The following TMEM117 variants were observed in gnomAD, a reference collection of about 807,000 sequenced individuals.
TMEM117 encodes transmembrane protein 117.
A neutral mutation model predicts 52.4 loss-of-function variants in TMEM117; 27 were observed. That is an observed-to-expected ratio of 0.51 (90% CI 0.38 to 0.71). The LOEUF (loss-of-function observed/expected upper bound fraction) is 0.71. Among genes scored for constraint, TMEM117 ranks in the 30% least tolerant of loss-of-function variants. The pLI, the probability that TMEM117 is intolerant of heterozygous loss-of-function variation, is 0.00. For synonymous variants in TMEM117, 215 were observed against 206.3 expected (o/e 1.04, Z -0.36); for missense variants, 556 against 630.5 (o/e 0.88, Z 1.26).
chr12:44,140,425 T>C (rs1948554948), intron 3 of TMEM117, among the ~76,000 whole-genome samples: 2 of 152,138 alleles, frequency 1.3e-5, no homozygotes, highest in African/African-American at 2.4e-5. Flanking sequence ...AATCATAATT[T>C]AAACAAATAT....
intron 4 of TMEM117, among the ~76,000 whole-genome samples, chr12:44,151,324 C>T (rs1250565552): frequency 8.0e-5 from 12 of 149,954 alleles, no homozygotes; most frequent in South Asian, 2.1e-4. Flanking sequence ...CGTAAAGTTC[C>T]GCACCTTTTT....
chr12:44,136,723 AATT>A, intron 3 of TMEM117, among the ~76,000 whole-genome samples: 1 of 152,162 alleles, frequency 6.6e-6, no homozygotes, highest in Non-Finnish European at 1.5e-5. Context: ...TTACTTTTTA[AATT>A]ATTCAACTGA....
At chr12:44,282,161 C>A (rs1334289020) in intron 5 of TMEM117, among the ~76,000 whole-genome samples, 1 of 152,154 alleles carries the variant, frequency 6.6e-6, no homozygotes, top group Non-Finnish European at 1.5e-5. Flanking sequence ...CACCATGATT[C>A]TGAGGCCTCC....
chr12:43,979,604 T>C (rs1205375151), intron 3 of TMEM117, among the ~76,000 whole-genome samples: 2 of 152,168 alleles, frequency 1.3e-5, no homozygotes, highest in Non-Finnish European at 2.9e-5. Context: ...AGGCCAATCT[T>C]GAGGAATCGC....
At chr12:44,105,609 A>G (rs1486704340) in intron 3 of TMEM117, among the ~76,000 whole-genome samples, 5 of 152,090 alleles carry the variant, frequency 3.3e-5, no homozygotes, top group Non-Finnish European at 5.9e-5. Flanking sequence ...GAAATGTTCT[A>G]TAGCCCTATG....
At chr12:44,005,817 G>T (rs924550895) in intron 3 of TMEM117, among the ~76,000 whole-genome samples, 1 of 152,088 alleles carries the variant, frequency 6.6e-6, no homozygotes, top group African/African-American at 2.4e-5. Context: ...TGCTATTCTT[G>T]TGATAGTGAA....
At chr12:44,236,758 G>A (rs1303616934) in intron 5 of TMEM117, among the ~76,000 whole-genome samples, 1 of 151,912 alleles carries the variant, frequency 6.6e-6, no homozygotes, top group Non-Finnish European at 1.5e-5. Context: ...GTAGGTTTTT[G>A]TTTCTTTTGC....
At chr12:44,221,097 T>C (rs1949782126) in intron 5 of TMEM117, among the ~76,000 whole-genome samples, 1 of 152,112 alleles carries the variant, frequency 6.6e-6, no homozygotes, top group African/African-American at 2.4e-5. Context: ...AGTAGAGAAA[T>C]CTGACAAACA....
chr12:43,800,486 C>T, the TMEM117 span: 1 of 1,613,826 alleles, frequency 6.2e-7, no homozygotes, highest in Non-Finnish European at 8.5e-7. Context: ...CAAATTCCTT[C>T]TTCAGAGTTG....
chr12:43,895,102 C>G (rs1298633863), intron 2 of TMEM117, among the ~76,000 whole-genome samples: 2 of 152,118 alleles, frequency 1.3e-5, no homozygotes, highest in African/African-American at 4.8e-5. Flanking sequence ...CATTATTAAG[C>G]CTAGTATCCA....
intron 4 of TMEM117, among the ~76,000 whole-genome samples, chr12:44,198,514 T>A (rs902969191): frequency 1.3e-5 from 2 of 152,128 alleles, no homozygotes; most frequent in Non-Finnish European, 2.9e-5. Flanking sequence ...GTTGGGTTTA[T>A]TACTGTTGTT....
intron 4 of TMEM117, among the ~76,000 whole-genome samples, chr12:44,203,002 C>T (rs1436406083): frequency 6.6e-6 from 1 of 151,980 alleles, no homozygotes; most frequent in Non-Finnish European, 1.5e-5. Context: ...GGTATGTTGG[C>T]TACGCTTGTC....
intron 4 of TMEM117, among the ~76,000 whole-genome samples, chr12:44,207,748 C>T (rs1326265760): frequency 1.3e-5 from 2 of 151,384 alleles, no homozygotes; most frequent in Admixed American, 6.6e-5. Context: ...ATTTTGTGCT[C>T]ATAGGTGATT....
chr12:44,091,681 G>A (rs755485583), intron 3 of TMEM117, among the ~76,000 whole-genome samples: 7 of 152,140 alleles, frequency 4.6e-5, no homozygotes, highest in Non-Finnish European at 8.8e-5. Flanking sequence ...GCACAACAGA[G>A]GGCAGAATAC....
the TMEM117 span, among the ~76,000 whole-genome samples, chr12:43,796,334 A>G: frequency 1.3e-5 from 2 of 152,258 alleles, no homozygotes; most frequent in Admixed American, 1.3e-4. Context: ...AAAAAGCATG[A>G]AGGGTTCAGA....
chr12:44,181,982 A>G (rs1383814219), intron 4 of TMEM117, among the ~76,000 whole-genome samples: 2 of 152,146 alleles, frequency 1.3e-5, no homozygotes, highest in African/African-American at 2.4e-5. Context: ...CTTCCTACCC[A>G]TGAGCATGGA....
intron 3 of TMEM117, among the ~76,000 whole-genome samples, chr12:43,990,101 T>A (rs1945913593): frequency 6.6e-6 from 1 of 152,144 alleles, no homozygotes; most frequent in South Asian, 2.1e-4. Flanking sequence ...TTAGGAAATA[T>A]TAATTATAAG....
chr12:44,187,581 G>C (rs999217347), intron 4 of TMEM117, among the ~76,000 whole-genome samples: 1 of 152,120 alleles, frequency 6.6e-6, no homozygotes, highest in African/African-American at 2.4e-5. Context: ...CTCTAACCTG[G>C]AGGAATTTCA....
At chr12:43,804,528 T>G in the TMEM117 span, 1 of 1,602,668 alleles carries the variant, frequency 6.2e-7, no homozygotes, top group Non-Finnish European at 8.5e-7. Flanking sequence ...AGTCTGTACT[T>G]TCCATTTCTG....
Sources: gnomAD v4.1 joint callset for allele counts (sites outside exome capture counted in the v4.1 genomes callset) on GRCh38, gnomAD v4.1.1 for gene constraint, MANE v1.5 for transcripts, NCBI Gene and HGNC (gene_info 2026-07-23, HGNC 2026-07-21) for gene names.